The following PAK1 variants were observed in gnomAD, a reference collection of about 807,000 sequenced individuals.
PAK1 encodes the protein serine/threonine-protein kinase PAK 1.
A neutral mutation model predicts 67.4 loss-of-function variants in PAK1; 29 were observed. The ratio of observed to expected loss-of-function variants is 0.43; its 90% CI spans 0.32 to 0.59. The LOEUF is 0.59. PAK1 is among the 20% of genes least tolerant of loss of function. The probability of loss-of-function intolerance (pLI) is 0.07; values close to 1 mark genes in which losing one functional copy is unlikely to be tolerated. For synonymous variants in PAK1, 223 were observed against 237.4 expected (o/e 0.94, Z 0.56); for missense variants, 337 against 670.7 (o/e 0.50, Z 5.50).
At chr11:77,390,545 G>A (rs2137382465) in intron 2 of PAK1, among the ~76,000 whole-genome samples, 1 of 151,868 alleles carries the variant, frequency 6.6e-6, no homozygotes, top group East Asian at 1.9e-4. Context: ...CACCCAGGCT[G>A]GAGTGCAGTG....
chr11:77,471,427 A>C, intron 1 of PAK1, among the ~76,000 whole-genome samples: 1 of 152,224 alleles, frequency 6.6e-6, no homozygotes, highest in East Asian at 1.9e-4. Context: ...GCGCTACAGA[A>C]GGCCATAAAA....
chr11:77,464,486 G>C (rs973059782), intron 1 of PAK1, among the ~76,000 whole-genome samples: 1 of 152,148 alleles, frequency 6.6e-6, no homozygotes, highest in Admixed American at 6.5e-5. Flanking sequence ...GCAAGGACAA[G>C]GACCATGTCT....
chr11:77,361,485 G>C (rs2602474), intron 5 of PAK1, among the ~76,000 whole-genome samples: 2 of 152,004 alleles, frequency 1.3e-5, no homozygotes, highest in Admixed American at 6.5e-5. Flanking sequence ...TCAGAGAGGC[G>C]GTAATAAAAA....
chr11:77,496,497 C>T, the PAK1 span, among the ~76,000 whole-genome samples: 20 of 151,902 alleles, frequency 1.3e-4, no homozygotes, highest in Admixed American at 8.5e-4. Flanking sequence ...TGGTGGTGCA[C>T]GCTTGTAGTC....
intron 1 of PAK1, among the ~76,000 whole-genome samples, chr11:77,405,862 C>G (rs1410996508): frequency 6.6e-6 from 1 of 152,184 alleles, no homozygotes; most frequent in East Asian, 1.9e-4. Flanking sequence ...TCATCAAAAG[C>G]AGTCTTGTCA....
chr11:77,403,746 T>C (rs952542991), intron 1 of PAK1, among the ~76,000 whole-genome samples: 2 of 152,184 alleles, frequency 1.3e-5, no homozygotes, highest in African/African-American at 4.8e-5. Context: ...CTAGAGAACA[T>C]TACAAAACCC....
chr11:77,347,230 G>T (rs925007013), intron 9 of PAK1, among the ~76,000 whole-genome samples: 2 of 152,126 alleles, frequency 1.3e-5, no homozygotes, highest in Admixed American at 6.5e-5. Context: ...CCAGCCTCCA[G>T]GGCTTCCAGG....
chr11:77,424,015 T>C (rs961913502), intron 1 of PAK1, among the ~76,000 whole-genome samples: 1 of 152,162 alleles, frequency 6.6e-6, no homozygotes, highest in Admixed American at 6.5e-5. Context: ...TTGGTGAAGG[T>C]TGGAAAAATA....
At chr11:77,466,582 G>A (rs1290034423) in intron 1 of PAK1, among the ~76,000 whole-genome samples, 3 of 150,496 alleles carry the variant, frequency 2.0e-5, no homozygotes, top group African/African-American at 4.9e-5. Flanking sequence ...CAGCCTGGGC[G>A]ACAGAGCAAG....
chr11:77,343,643 T>C (rs1299096580), intron 10 of PAK1, among the ~76,000 whole-genome samples, 176 bp downstream of exon 10: 1 of 152,056 alleles, frequency 6.6e-6, no homozygotes, highest in African/African-American at 2.4e-5. Context: ...ACAGAAGGAT[T>C]TCCCAGCAAA....
At chr11:77,519,416 C>T in the PAK1 span, among the ~76,000 whole-genome samples, 2 of 152,142 alleles carry the variant, frequency 1.3e-5, no homozygotes, top group Non-Finnish European at 2.9e-5. Flanking sequence ...GAAAATTAGT[C>T]CCAAAGGCCT....
At chr11:77,326,416 G>A (rs1253133200) in intron 14 of PAK1, among the ~76,000 whole-genome samples, 1 of 152,158 alleles carries the variant, frequency 6.6e-6, no homozygotes, top group African/African-American at 2.4e-5. Flanking sequence ...TTCCATGGAT[G>A]GGCATGGTGG....
intron 5 of PAK1, among the ~76,000 whole-genome samples, chr11:77,365,412 A>C: frequency 6.6e-6 from 1 of 151,626 alleles, no homozygotes; most frequent in East Asian, 1.9e-4. Context: ...AGAGTCTCTG[A>C]GGAAGAAAAA....
At chr11:77,500,486 G>A in the PAK1 span, among the ~76,000 whole-genome samples, 2 of 151,940 alleles carry the variant, frequency 1.3e-5, no homozygotes, top group East Asian at 1.9e-4. Flanking sequence ...AAAAAAAGTC[G>A]AAACATAATT....
intron 1 of PAK1, among the ~76,000 whole-genome samples, chr11:77,471,726 G>A (rs1182087262): frequency 6.6e-6 from 1 of 152,168 alleles, no homozygotes; most frequent in Admixed American, 6.5e-5. Context: ...TCAGGGGTAG[G>A]GGGCGCTGAT....
At chr11:77,514,718 G>A in the PAK1 span, among the ~76,000 whole-genome samples, 1 of 152,200 alleles carries the variant, frequency 6.6e-6, no homozygotes, top group Non-Finnish European at 1.5e-5. Context: ...GGCAGGGACT[G>A]TCTCGTTCAT....
chr11:77,506,495 T>C, the PAK1 span, among the ~76,000 whole-genome samples: 1 of 152,178 alleles, frequency 6.6e-6, no homozygotes, highest in Non-Finnish European at 1.5e-5. Flanking sequence ...GCAGGCCCAC[T>C]GGACAGGTTT....
chr11:77,437,792 A>G (rs1449870980), intron 1 of PAK1, among the ~76,000 whole-genome samples: 1 of 152,220 alleles, frequency 6.6e-6, no homozygotes, highest in Non-Finnish European at 1.5e-5. Flanking sequence ...GAACTCTTTA[A>G]GAGTATATGG....
chr11:77,461,770 TG>T (rs1269741538), intron 1 of PAK1, among the ~76,000 whole-genome samples: 5 of 152,210 alleles, frequency 3.3e-5, no homozygotes, highest in Non-Finnish European at 7.3e-5. Context: ...TTATTTTTAA[TG>T]GAACAAAGTC....
Sources: gnomAD v4.1 joint callset for allele counts (sites outside exome capture counted in the v4.1 genomes callset) on GRCh38, gnomAD v4.1.1 for gene constraint, MANE v1.5 for transcripts, NCBI Gene and HGNC (gene_info 2026-07-23, HGNC 2026-07-21) for gene names.